Variants in TCF7L1 observed in about 807,000 individuals in gnomAD.
TCF7L1 encodes transcription factor 7 like 1.
In TCF7L1, 18 loss-of-function variants were observed where a neutral mutation model predicts 63.7. That is an observed-to-expected ratio of 0.28 (90% CI 0.20 to 0.42). TCF7L1 has a LOEUF of 0.42. Among genes scored for constraint, TCF7L1 ranks in the 10% least tolerant of loss-of-function variants. The pLI, the probability that TCF7L1 is intolerant of heterozygous loss-of-function variation, is 1.00. For missense variants in TCF7L1, 654 were observed against 779.3 expected (o/e 0.84, Z 1.91); for synonymous variants, 355 against 340.9 (o/e 1.04, Z -0.46).
chr2:85,204,775 G>C (rs1261121131), intron 3 of TCF7L1, among the ~76,000 whole-genome samples: 1 of 151,840 alleles, frequency 6.6e-6, no homozygotes, highest in East Asian at 1.9e-4. Flanking sequence ...TGATACCCTT[G>C]CCAACTTTTT....
chr2:85,218,902 A>G (rs1653319305), intron 3 of TCF7L1, among the ~76,000 whole-genome samples: 1 of 152,162 alleles, frequency 6.6e-6, no homozygotes, highest in Admixed American at 6.5e-5. Context: ...ACTGGGTCAC[A>G]CCTGTAATCC....
chr2:85,283,265 T>TGCCCC (rs1681463032), intron 3 of TCF7L1, among the ~76,000 whole-genome samples: 1 of 109,842 alleles, frequency 9.1e-6, no homozygotes, highest in African/African-American at 3.1e-5. Flanking sequence ...GTCATTCGTG[T>TGCCCC]CCCCCCCCCC....
intron 3 of TCF7L1, among the ~76,000 whole-genome samples, chr2:85,210,002 A>G (rs1321740545): frequency 6.6e-6 from 1 of 152,168 alleles, no homozygotes; most frequent in Non-Finnish European, 1.5e-5. Context: ...TTGGATCTCC[A>G]TATTCTTAGA....
intron 3 of TCF7L1, among the ~76,000 whole-genome samples, chr2:85,224,491 AGAAAT>A (rs1407961780): frequency 1.3e-5 from 2 of 152,086 alleles, no homozygotes; most frequent in Non-Finnish European, 2.9e-5. Flanking sequence ...AACTGGCATG[AGAAAT>A]CTCATTGTGT....
chr2:85,286,781 C>T (rs1681570439), intron 4 of TCF7L1, among the ~76,000 whole-genome samples: 1 of 152,158 alleles, frequency 6.6e-6, no homozygotes, highest in South Asian at 2.1e-4. Context: ...AGGCGTGAGC[C>T]ACTGCGCCTG....
intron 3 of TCF7L1, among the ~76,000 whole-genome samples, chr2:85,240,820 A>C (rs551141806): frequency 6.6e-5 from 10 of 151,760 alleles, no homozygotes; most frequent in Non-Finnish European, 1.3e-4. Context: ...TAGTGCTTGT[A>C]CTTACAGATT....
chr2:85,279,389 A>T (rs1268247829), intron 3 of TCF7L1, among the ~76,000 whole-genome samples: 1 of 149,942 alleles, frequency 6.7e-6, no homozygotes, highest in Non-Finnish European at 1.5e-5. Flanking sequence ...CAAGACCCCC[A>T]TCTCTAAAAA....
At chr2:85,275,919 CA>C (rs10657618) in intron 3 of TCF7L1, among the ~76,000 whole-genome samples, 80 of 106,816 alleles carry the variant, frequency 7.5e-4, no homozygotes, top group African/African-American at 2.2e-3. Context: ...GACTCCATCT[CA>C]AAAAAAAAAA....
intron 4 of TCF7L1, among the ~76,000 whole-genome samples, chr2:85,286,060 G>A (rs1244447646): frequency 2.6e-5 from 4 of 151,828 alleles, no homozygotes; most frequent in Non-Finnish European, 4.4e-5. Context: ...GCATGGTGGC[G>A]CATACCTGTA....
At chr2:85,301,617 G>A (rs540797789) in intron 4 of TCF7L1, among the ~76,000 whole-genome samples, 1 of 152,232 alleles carries the variant, frequency 6.6e-6, no homozygotes, top group East Asian at 1.9e-4. Context: ...TCCATTTGGT[G>A]GTGTTTTACA....
In TCF7L1 at chr2:85,181,928, A is replaced by G. The variant is rs1050824843; in HGVS notation, c.441+47478A>G. ...GAATGCAGCCCCTGCCACAGGATCC[A>G]TGTTTCAATAGGGAGGGAGACGCAG... On this transcript the variant is annotated intron_variant, in intron 3 of 11. Coordinates refer to ENST00000282111, the MANE Select transcript of TCF7L1 (RefSeq NM_031283.3). Among the ~76,000 whole-genome samples, 8 of 152,128 alleles carry G rather than the reference A, an allele frequency of 5.3e-5. No individual in the cohort carries two copies. The East Asian group carries it at 5.8e-4, about 11-fold the overall frequency.
chr2:85,195,677 G>T (rs1679138205), intron 3 of TCF7L1, among the ~76,000 whole-genome samples: 1 of 152,018 alleles, frequency 6.6e-6, no homozygotes, highest in African/African-American at 2.4e-5. Context: ...CTCCCGAGTA[G>T]CTGGGACTAG....
intron 5 of TCF7L1, among the ~76,000 whole-genome samples, chr2:85,303,109 C>T (rs758187138): frequency 1.5e-4 from 23 of 152,236 alleles, no homozygotes; most frequent in Non-Finnish European, 3.1e-4. Flanking sequence ...CAGCTCACTG[C>T]AGCCTTGACC....
chr2:85,241,441 T>G (rs991537668), intron 3 of TCF7L1, among the ~76,000 whole-genome samples: 3 of 115,122 alleles, frequency 2.6e-5, no homozygotes, highest in Admixed American at 8.5e-5. Flanking sequence ...GTTTTTGTTT[T>G]TTTTTTTTTT....
chr2:85,284,777 A>G (rs187780111), intron 4 of TCF7L1, among the ~76,000 whole-genome samples: 1 of 152,316 alleles, frequency 6.6e-6, no homozygotes, highest in Non-Finnish European at 1.5e-5. Flanking sequence ...TTGGGCTTCT[A>G]TGATGTTTAT....
intron 3 of TCF7L1, among the ~76,000 whole-genome samples, chr2:85,258,427 G>A (rs1381157984): frequency 1.3e-5 from 2 of 152,158 alleles, no homozygotes; most frequent in African/African-American, 4.8e-5. Context: ...TAGGGGGCTC[G>A]CGTTTGCCTG....
intron 3 of TCF7L1, among the ~76,000 whole-genome samples, chr2:85,243,320 T>C (rs1051191348): frequency 1.3e-5 from 2 of 152,148 alleles, no homozygotes; most frequent in African/African-American, 4.8e-5. Context: ...AGCTTATTGC[T>C]AGGAATGGGT....
intron 3 of TCF7L1, among the ~76,000 whole-genome samples, chr2:85,215,987 C>G (rs1324652330): frequency 6.6e-6 from 1 of 152,038 alleles, no homozygotes; most frequent in East Asian, 1.9e-4. Context: ...GTTTTGAGGC[C>G]TCTGAAGAGA....
At chr2:85,238,746 T>A (rs1680252433) in intron 3 of TCF7L1, among the ~76,000 whole-genome samples, 2 of 152,080 alleles carry the variant, frequency 1.3e-5, no homozygotes, top group South Asian at 4.1e-4. Context: ...CTACTTTAGG[T>A]TGGATGGACA....
Sources: gnomAD v4.1 joint callset for allele counts (sites outside exome capture counted in the v4.1 genomes callset) on GRCh38, gnomAD v4.1.1 for gene constraint, MANE v1.5 for transcripts, NCBI Gene and HGNC (gene_info 2026-07-23, HGNC 2026-07-21) for gene names.